CEP192: variants seen among roughly 807,000 people sequenced by gnomAD.
CEP192 encodes the protein centrosomal protein 192, also known as centrosomal protein of 192 kDa.
Under a neutral mutation model 271.8 loss-of-function variants are expected in CEP192, and 151 were observed. The ratio of observed to expected loss-of-function variants is 0.56; its 90% CI spans 0.49 to 0.64. The LOEUF (loss-of-function observed/expected upper bound fraction) is 0.64. Among genes scored for constraint, CEP192 ranks in the 30% least tolerant of loss-of-function variants. The probability of loss-of-function intolerance (pLI) is 0.00; values close to 1 mark genes in which losing one functional copy is unlikely to be tolerated. For missense variants in CEP192, 2,910 were observed against 3,020.5 expected (o/e 0.96, Z 0.86); for synonymous variants, 995 against 1,076.5 (o/e 0.92, Z 1.48).
intron 30 of CEP192, among the ~76,000 whole-genome samples, chr18:13,080,218 T>A (rs1283163565): frequency 1.3e-5 from 2 of 152,198 alleles, no homozygotes; most frequent in Non-Finnish European, 2.9e-5. Flanking sequence ...ATCTCTAAAT[T>A]ACCTTGGGCA....
chr18:13,121,250 C>T (rs1231176206), intron 44 of CEP192, among the ~76,000 whole-genome samples: 11 of 152,194 alleles, frequency 7.2e-5, no homozygotes, highest in African/African-American at 2.2e-4. Flanking sequence ...TTTGTTAGAT[C>T]ACTGTGTGCT....
chr18:13,017,419 A>G (rs948523807), intron 7 of CEP192, 83 bp downstream of exon 7: 4 of 1,123,878 alleles, frequency 3.6e-6, no homozygotes, highest in Non-Finnish European at 4.9e-6. Context: ...CATGAAATGT[A>G]AGCCTTTGGA....
chr18:13,069,148 T>C lies in CEP192; in HGVS notation c.5022T>C (p.Asn1674=), dbSNP rs2144398072. The stretch of plus-strand genomic sequence containing the variant: ...GAAAGCAGCACTTACCTTTGAAAAA[T>C]GCTGGGAACATTGAAGTTTATTTGG... ...SSRKQHLPLK[N]AGNIEVYLDI... The change falls in exon 26 of 45, where the codon AAT becomes AAC. Residue 1674 remains asparagine, a synonymous_variant. Coordinates refer to ENST00000506447, the MANE Select transcript of CEP192 (RefSeq NM_032142.4). The C allele has an allele frequency of 6.2e-7, 1 of 1,614,134 alleles. No individual in the cohort carries two copies. Among genetic ancestry groups the C allele is most frequent in the East Asian group, 2.2e-5 (1 of 44,882 alleles).
intron 4 of CEP192, among the ~76,000 whole-genome samples, chr18:13,012,447 T>C (rs1476194498): frequency 6.6e-6 from 1 of 152,224 alleles, no homozygotes; most frequent in African/African-American, 2.4e-5. Context: ...TCTCCAAAAG[T>C]GTGGACATTT....
At chr18:13,037,852 G>T (rs2143732872) in intron 12 of CEP192, among the ~76,000 whole-genome samples, 1 of 151,992 alleles carries the variant, frequency 6.6e-6, no homozygotes, top group Admixed American at 6.5e-5. Flanking sequence ...AGTGTACTGG[G>T]CTGTATTTCT....
At chr18:12,999,392 G>T in intron 1 of CEP192, 29 bp from the exon 2 acceptor site, 1 of 1,440,188 alleles carries the variant, frequency 6.9e-7, no homozygotes, top group South Asian at 1.4e-5. Context: ...AGTAATATGT[G>T]ACCTATAGAA....
At chr18:13,106,665 T>TA (rs1011656607) in intron 40 of CEP192, among the ~76,000 whole-genome samples, 3 of 146,950 alleles carry the variant, frequency 2.0e-5, no homozygotes, top group African/African-American at 7.6e-5. Flanking sequence ...CCCACACAGG[T>TA]ACCACCACCA....
At chr18:13,087,370 G>T in intron 31 of CEP192, 93 bp downstream of exon 31, 3 of 1,175,844 alleles carry the variant, frequency 2.6e-6, no homozygotes, top group South Asian at 3.2e-5. Context: ...AATAATACTT[G>T]AAAATAATGT....
chr18:13,085,606 T>TGCATATGGCTAGCCAGTTTTCC (rs2038861637), intron 30 of CEP192, among the ~76,000 whole-genome samples: 1 of 152,254 alleles, frequency 6.6e-6, no homozygotes, highest in African/African-American at 2.4e-5. Flanking sequence ...TTCAGTTTTC[T>TGCATATGGCTAGCCAGTTTTCC]GCATATGGCT....
intron 30 of CEP192, among the ~76,000 whole-genome samples, chr18:13,081,614 G>T (rs2038613982): frequency 6.6e-6 from 1 of 152,048 alleles, no homozygotes; most frequent in Admixed American, 6.6e-5. Flanking sequence ...TTTTTTGAAG[G>T]TTTTTTTGTG....
chr18:13,036,618 A>C (rs930139973), intron 11 of CEP192, among the ~76,000 whole-genome samples: 1 of 151,970 alleles, frequency 6.6e-6, no homozygotes, highest in Admixed American at 6.5e-5. Context: ...CACCACTCCC[A>C]GTTGTGTTTC....
chr18:13,048,833 C>T (rs988013683), intron 15 of CEP192, 26 bp from the exon 16 acceptor site: 2 of 1,461,602 alleles, frequency 1.4e-6, no homozygotes, highest in Non-Finnish European at 1.9e-6. Flanking sequence ...GTAAATTTAT[C>T]TGATGTTTAA....
At chr18:13,080,225 G>A (rs2038519411) in intron 30 of CEP192, among the ~76,000 whole-genome samples, 1 of 152,106 alleles carries the variant, frequency 6.6e-6, no homozygotes, top group South Asian at 2.1e-4. Context: ...AATTACCTTG[G>A]GCAGTGTGGC....
In CEP192 at chr18:13,104,664, T is replaced by C. The variant is rs2039869772; in HGVS notation, c.6952-320T>C. On this transcript the variant is annotated intron_variant, in intron 39 of 44. Coordinates refer to ENST00000506447, the MANE Select transcript of CEP192 (RefSeq NM_032142.4). ...ACTGGTATTGCATAAGTTATTAAAA[T>C]GCACATTCAACAGGGTCTTCAGAGT... 2.6e-5 allele frequency among the ~76,000 whole-genome samples: 4 copies of C among 152,284 alleles called. No homozygotes were observed. The South Asian group carries it at 8.3e-4, about 32-fold the overall frequency.
intron 11 of CEP192, among the ~76,000 whole-genome samples, chr18:13,032,315 A>G (rs1237192371): frequency 6.6e-6 from 1 of 152,148 alleles, no homozygotes; most frequent in Non-Finnish European, 1.5e-5. Context: ...ACTTGGGGCA[A>G]TGGCGATACC....
chr18:13,095,003 C>T (rs2039322280), intron 34 of CEP192, among the ~76,000 whole-genome samples: 1 of 152,210 alleles, frequency 6.6e-6, no homozygotes, highest in East Asian at 1.9e-4. Context: ...CTGCAAGTCC[C>T]AGTGCCACCA....
chr18:13,077,966 G>T (rs11662634), intron 30 of CEP192, among the ~76,000 whole-genome samples: 38,761 of 151,776 alleles, frequency 0.26, 5,935 homozygotes, highest in Admixed American at 0.36. Flanking sequence ...TTTAAGTTCT[G>T]GGATACGTGT....
intron 12 of CEP192, 110 bp downstream of exon 12, chr18:13,037,411 A>G (rs1168374081): frequency 1.9e-6 from 1 of 517,302 alleles, no homozygotes; most frequent in Middle Eastern, 3.9e-4. Context: ...GAATTATTTC[A>G]TATTTTTCTT....
intron 15 of CEP192, among the ~76,000 whole-genome samples, chr18:13,045,365 A>G (rs951100339): frequency 6.6e-6 from 1 of 151,900 alleles, no homozygotes; most frequent in African/African-American, 2.4e-5. Flanking sequence ...CGTGTAGGAG[A>G]TTTTCTGGTT....
Sources: allele counts gnomAD v4.1 joint callset (sites outside exome capture counted in the v4.1 genomes callset), GRCh38; gene constraint gnomAD v4.1.1; transcripts MANE v1.5; gene names NCBI Gene and HGNC (gene_info 2026-07-23, HGNC 2026-07-21).